The following STPG2 variants were observed in gnomAD, a reference collection of about 807,000 sequenced individuals.
STPG2 encodes the protein sperm-tail PG-rich repeat-containing protein 2.
STPG2 carries 56 observed loss-of-function variants against 54.2 expected under a neutral mutation model. The observed-to-expected ratio is 1.03, with a 90% CI of 0.83 to 1.29. STPG2 has a LOEUF of 1.29. Ranked by LOEUF, STPG2 falls within the 50% of genes most tolerant of loss-of-function variation. STPG2 has a pLI of 0.00. For missense variants in STPG2, 596 were observed against 544.9 expected (o/e 1.09, Z -0.93); for synonymous variants, 200 against 181.8 (o/e 1.10, Z -0.81).
chr4:97,740,718 C>A lies in STPG2; in HGVS notation c.1205-27904G>T, dbSNP rs376287304. On this transcript the variant is annotated intron_variant, in intron 9 of 10. Coordinates refer to ENST00000295268, the MANE Select transcript of STPG2 (RefSeq NM_174952.3). Reference sequence around the variant, plus strand: ...CTGCTCAAGGAAATAAAAGAGGATACAAACAAATGGAAGAACATTCAATGC... The same window carrying A: ...CTGCTCAAGGAAATAAAAGAGGATAAAAACAAATGGAAGAACATTCAATGC... Among the ~76,000 whole-genome samples, 14 of 152,176 alleles carry A rather than the reference C, an allele frequency of 9.2e-5. No homozygotes were observed. In the East Asian group the frequency reaches 2.7e-3, roughly 29 times the overall value.
chr4:97,460,281 T>G (rs1336286835), intron 4 of STPG2, among the ~76,000 whole-genome samples: 3 of 152,188 alleles, frequency 2.0e-5, no homozygotes, highest in African/African-American at 7.2e-5. Flanking sequence ...CTGCTTTATT[T>G]TTTTCTATTT....
At chr4:97,967,002 C>A (rs1460213023) in intron 7 of STPG2, among the ~76,000 whole-genome samples, 1 of 152,074 alleles carries the variant, frequency 6.6e-6, no homozygotes, top group African/African-American at 2.4e-5. Context: ...CAAATTCACA[C>A]ATAACCATAG....
intron 9 of STPG2, among the ~76,000 whole-genome samples, chr4:97,771,981 T>A (rs1473174367): frequency 6.6e-6 from 1 of 152,196 alleles, no homozygotes. Flanking sequence ...AATGGATGGC[T>A]GCAGATGCAC....
At chr4:97,447,561 C>A (rs778799022) in intron 4 of STPG2, among the ~76,000 whole-genome samples, 12 of 152,172 alleles carry the variant, frequency 7.9e-5, no homozygotes, top group Non-Finnish European at 1.6e-4. Flanking sequence ...TGCTTCAGCT[C>A]CAGCCTTGGC....
intron 9 of STPG2, among the ~76,000 whole-genome samples, chr4:97,761,060 A>T (rs1371266919): frequency 6.6e-6 from 1 of 152,082 alleles, no homozygotes; most frequent in Non-Finnish European, 1.5e-5. Context: ...ACTACATCAA[A>T]CTCACTCCAA....
At chr4:97,521,740 T>A (rs924644788) in intron 4 of STPG2, among the ~76,000 whole-genome samples, 12 of 152,050 alleles carry the variant, frequency 7.9e-5, no homozygotes, top group African/African-American at 2.9e-4. Flanking sequence ...AAAAACAGGA[T>A]GAATTGAAAT....
intron 9 of STPG2, among the ~76,000 whole-genome samples, chr4:97,836,531 T>G (rs554070255): frequency 1.0e-3 from 152 of 151,988 alleles, no homozygotes; most frequent in Middle Eastern, 3.4e-3. Flanking sequence ...CAATCTTAGT[T>G]TTACTGCAGT....
At chr4:97,910,893 G>A (rs916663499) in intron 8 of STPG2, among the ~76,000 whole-genome samples, 1 of 152,142 alleles carries the variant, frequency 6.6e-6, no homozygotes, top group African/African-American at 2.4e-5. Context: ...TGCGAACTGC[G>A]GCTTTCACAG....
At chr4:97,840,127 CAAAT>C (rs1472492690) in intron 9 of STPG2, among the ~76,000 whole-genome samples, 3 of 151,360 alleles carry the variant, frequency 2.0e-5, no homozygotes, top group African/African-American at 4.8e-5. Context: ...TGTAAATGCT[CAAAT>C]AAATGTTTAT....
intron 10 of STPG2, among the ~76,000 whole-genome samples, chr4:97,652,608 C>T (rs1722102751): frequency 6.6e-6 from 1 of 151,802 alleles, no homozygotes; most frequent in Non-Finnish European, 1.5e-5. Flanking sequence ...GCACTGTACA[C>T]TGGGGATATA....
intron 10 of STPG2, among the ~76,000 whole-genome samples, chr4:97,612,733 G>A (rs904271746): frequency 2.0e-5 from 3 of 151,836 alleles, no homozygotes; most frequent in Non-Finnish European, 2.9e-5. Flanking sequence ...GCCACACCAC[G>A]GATCTCAATT....
chr4:98,071,064 T>G (rs965259996), intron 5 of STPG2, among the ~76,000 whole-genome samples: 1 of 147,930 alleles, frequency 6.8e-6, no homozygotes, highest in Non-Finnish European at 1.5e-5. Context: ...TAGAAGAAAC[T>G]ATTTCAAAAT....
chr4:98,132,994 A>G (rs1400274398), intron 2 of STPG2, among the ~76,000 whole-genome samples: 1 of 151,660 alleles, frequency 6.6e-6, no homozygotes, highest in Non-Finnish European at 1.5e-5. Flanking sequence ...TATTGCAGGG[A>G]AAAAGCAAAC....
intron 5 of STPG2, among the ~76,000 whole-genome samples, chr4:98,018,167 C>A (rs563617856): frequency 6.6e-6 from 1 of 152,010 alleles, no homozygotes; most frequent in Non-Finnish European, 1.5e-5. Flanking sequence ...ATCCCTCCCC[C>A]CATCCCCACC....
At chr4:98,051,403 T>C (rs557838004) in intron 5 of STPG2, among the ~76,000 whole-genome samples, 136 of 152,248 alleles carry the variant, frequency 8.9e-4, no homozygotes, top group Non-Finnish European at 1.6e-3. Flanking sequence ...CACATTCATA[T>C]GTTGATGGCA....
intron 8 of STPG2, among the ~76,000 whole-genome samples, chr4:97,862,043 T>C (rs1729568092): frequency 6.6e-6 from 1 of 152,028 alleles, no homozygotes; most frequent in African/African-American, 2.4e-5. Context: ...GCTAACATCA[T>C]AATGACAGAA....
At chr4:98,067,002 A>C (rs1236998111) in intron 5 of STPG2, among the ~76,000 whole-genome samples, 1 of 152,188 alleles carries the variant, frequency 6.6e-6, no homozygotes, top group Non-Finnish European at 1.5e-5. Context: ...CAACATTCAA[A>C]CATGGCCTCA....
chr4:98,078,199 T>C (rs1738232428), intron 5 of STPG2, among the ~76,000 whole-genome samples: 1 of 152,184 alleles, frequency 6.6e-6, no homozygotes, highest in Admixed American at 6.5e-5. Context: ...TTAAACTCCT[T>C]AGGCAAATAT....
intron 5 of STPG2, among the ~76,000 whole-genome samples, chr4:98,028,477 C>T (rs1443715303): frequency 3.3e-5 from 5 of 152,166 alleles, no homozygotes; most frequent in Admixed American, 6.6e-5. Flanking sequence ...CAAGAATCCC[C>T]TTTCCAATAG....
Sources: gnomAD v4.1 joint callset for allele counts (sites outside exome capture counted in the v4.1 genomes callset) on GRCh38, gnomAD v4.1.1 for gene constraint, MANE v1.5 for transcripts, NCBI Gene and HGNC (gene_info 2026-07-23, HGNC 2026-07-21) for gene names.